Variants in GATB observed in about 807,000 individuals in gnomAD.
GATB encodes the protein glutamyl-tRNA amidotransferase subunit B, also known as glutamyl-tRNA(Gln) amidotransferase subunit B, mitochondrial.
A neutral mutation model predicts 62.3 loss-of-function variants in GATB; 39 were observed. The ratio of observed to expected loss-of-function variants is 0.63; its 90% CI spans 0.48 to 0.82. The LOEUF (loss-of-function observed/expected upper bound fraction) is 0.82, where lower values mean the gene tolerates loss of function less well. Among genes scored for constraint, GATB ranks in the 40% least tolerant of loss-of-function variants. GATB has a pLI of 0.00. For synonymous variants in GATB, 276 were observed against 258.9 expected (o/e 1.07, Z -0.63); for missense variants, 670 against 684.0 (o/e 0.98, Z 0.23).
In GATB at chr4:151,730,368, C is replaced by T. The variant is rs1355264357; in HGVS notation, c.328-10830G>A. Among the ~76,000 whole-genome samples, 5 of 152,202 alleles carry T rather than the reference C, an allele frequency of 3.3e-5. No individual in the cohort carries two copies. In the East Asian group the frequency reaches 7.7e-4, roughly 23 times the overall value. On this transcript the variant is annotated intron_variant, in intron 2 of 12. Coordinates refer to ENST00000263985, the MANE Select transcript of GATB (RefSeq NM_004564.3). The surrounding 1 kb of genome is among the most constrained non-coding windows in gnomAD (Gnocchi z 4.1). ...CTGGTAACAGAAGACGAAGGACATA[C>T]AATCTTGGGAGTTCTAGGGCCCCGC...
intron 2 of GATB, among the ~76,000 whole-genome samples, chr4:151,734,310 A>C (rs938629413): frequency 1.3e-5 from 2 of 151,744 alleles, no homozygotes; most frequent in African/African-American, 4.9e-5. Flanking sequence ...GACCAAATGG[A>C]GAACCAAATC....
chr4:151,692,191 C>A (rs776363694), intron 9 of GATB, among the ~76,000 whole-genome samples: 1 of 152,182 alleles, frequency 6.6e-6, no homozygotes, highest in African/African-American at 2.4e-5. Flanking sequence ...GATGAGGACA[C>A]GAGGCACTAG....
At chr4:151,673,488 A>AAGAT (rs1737924990) in intron 11 of GATB, 1 of 152,300 alleles carries the variant, frequency 6.6e-6, no homozygotes, top group African/African-American at 2.4e-5. Context: ...CCCCGTAATG[A>AAGAT]AGATACAAAA....
chr4:151,714,562 T>A (rs984102702), intron 5 of GATB, among the ~76,000 whole-genome samples: 1 of 152,244 alleles, frequency 6.6e-6, no homozygotes, highest in Admixed American at 6.5e-5. Flanking sequence ...TAATGAACAC[T>A]CTCAGCTGTC....
intron 9 of GATB, among the ~76,000 whole-genome samples, chr4:151,691,163 G>T (rs1738357914): frequency 6.6e-6 from 1 of 152,134 alleles, no homozygotes; most frequent in Non-Finnish European, 1.5e-5. Flanking sequence ...ATCATATGAA[G>T]AGCAATGCAG....
chr4:151,739,631 G>C (rs1223019706), intron 2 of GATB, among the ~76,000 whole-genome samples: 1 of 152,192 alleles, frequency 6.6e-6, no homozygotes, highest in Non-Finnish European at 1.5e-5. Context: ...CCCAAAAACA[G>C]CTTCTCACAT....
At chr4:151,731,027 T>C (rs1327447411) in intron 2 of GATB, among the ~76,000 whole-genome samples, 1 of 152,128 alleles carries the variant, frequency 6.6e-6, no homozygotes, top group Non-Finnish European at 1.5e-5. Context: ...ATCCAAAATA[T>C]GATACAAGAA....
chr4:151,689,446 T>G (rs1738318235), intron 9 of GATB, among the ~76,000 whole-genome samples: 1 of 152,128 alleles, frequency 6.6e-6, no homozygotes, highest in Non-Finnish European at 1.5e-5. Flanking sequence ...GCCCTGCCTC[T>G]CATCGTTTCC....
chr4:151,687,946 C>T (rs1197615163), intron 10 of GATB, among the ~76,000 whole-genome samples: 3 of 152,134 alleles, frequency 2.0e-5, no homozygotes, highest in Non-Finnish European at 4.4e-5. Context: ...ACTGCATTTC[C>T]GCAGTGTGAA....
chr4:151,679,856 T>C lies in GATB; in HGVS notation c.1367A>G (p.Asp456Gly), dbSNP rs1578895470. Residue 456 changes from aspartate to glycine, a missense_variant, in exon 11 of 13, where the codon GAC (aspartate) becomes GGC (glycine). Coordinates refer to ENST00000263985, the MANE Select transcript of GATB (RefSeq NM_004564.3). ...AGAAATTGTTCTGCTGTCCAGCAGG[T>C]CAAGAAGCTCAGCGAGTGCAGAGGG... ...VTPSALAELL[D>G]LLDSRTISSS... 6.2e-7 allele frequency: 1 copy of C among 1,614,070 alleles called. No individual in the cohort carries two copies. The highest frequency in any genetic ancestry group is 2.2e-5 in the East Asian group (1 of 44,876).
At chr4:151,708,623 T>G (rs1442872369) in intron 5 of GATB, among the ~76,000 whole-genome samples, 1 of 152,226 alleles carries the variant, frequency 6.6e-6, no homozygotes, top group Non-Finnish European at 1.5e-5. Context: ...GGGCAAGAAC[T>G]GAAATCTGGG....
At chr4:151,681,283 C>T (rs898021834) in intron 10 of GATB, among the ~76,000 whole-genome samples, 12 of 152,192 alleles carry the variant, frequency 7.9e-5, no homozygotes, top group African/African-American at 2.4e-4. Context: ...GGCAGCCCAT[C>T]ATCCTGTAAG....
chr4:151,675,295 A>G (rs1210009102), intron 11 of GATB: 2 of 152,126 alleles, frequency 1.3e-5, no homozygotes, highest in Admixed American at 6.5e-5. Context: ...CGGTGGCTGA[A>G]ATGTCCTTTC....
rs771999079 is a variant in GATB at position 151,705,278 on chromosome 4, AAC to A, written c.878-11_878-10del. ...CCTCTGAATTTCATAGTCTAGGAAA[AAC>A]ACACTAATTTAGCATCATATTTTGA... On this transcript the variant is annotated splice_polypyrimidine_tract_variant and intron_variant, in intron 6 of 12. Coordinates refer to ENST00000263985, the MANE Select transcript of GATB (RefSeq NM_004564.3). The A allele has an allele frequency of 1.3e-6, 2 of 1,570,144 alleles. No homozygotes were observed. The highest frequency in any genetic ancestry group is 1.7e-5 in the Admixed American group (1 of 59,892).
At chr4:151,757,467 A>ATTTTTTTTTTTTTT (rs745311470) in intron 2 of GATB, among the ~76,000 whole-genome samples, 2 of 103,818 alleles carry the variant, frequency 1.9e-5, no homozygotes, top group Non-Finnish European at 3.7e-5. Context: ...CAGCTTCCAG[A>ATTTTTTTTTTTTTT]TTTTTTTTTT....
At chr4:151,747,438 A>G (rs753175159) in intron 2 of GATB, among the ~76,000 whole-genome samples, 4 of 152,208 alleles carry the variant, frequency 2.6e-5, no homozygotes, top group Non-Finnish European at 5.9e-5. Context: ...GTGCAGCTTG[A>G]CGCTGGCACT....
chr4:151,715,274 A>G (rs1329200256), intron 5 of GATB, among the ~76,000 whole-genome samples: 2 of 152,228 alleles, frequency 1.3e-5, no homozygotes, highest in Non-Finnish European at 2.9e-5. Flanking sequence ...GAAGTTTTCA[A>G]AAAGTCCCTA....
chr4:151,680,004 G>A (rs1197492712), intron 10 of GATB, 113 bp from the exon 11 acceptor site: 9 of 832,358 alleles, frequency 1.1e-5, no homozygotes, highest in South Asian at 6.0e-5. Context: ...TCGGACCCAC[G>A]CCTAGGGATG....
intron 5 of GATB, among the ~76,000 whole-genome samples, chr4:151,709,672 C>T (rs558318791): frequency 6.6e-6 from 1 of 152,284 alleles, no homozygotes; most frequent in Admixed American, 6.5e-5. Context: ...GTGCCTCGCC[C>T]GAGGTCTCCG....
Sources: gnomAD v4.1 joint callset for allele counts (sites outside exome capture counted in the v4.1 genomes callset) on GRCh38, gnomAD v4.1.1 for gene constraint, Gnocchi (gnomAD v3.1) non-coding constraint, MANE v1.5 for transcripts, NCBI Gene and HGNC (gene_info 2026-07-23, HGNC 2026-07-21) for gene names.